The following ZMYND8 variants were observed in gnomAD, a reference collection of about 807,000 sequenced individuals.
ZMYND8 encodes MYND-type zinc finger-containing chromatin reader ZMYND8.
In ZMYND8, 37 loss-of-function variants were observed where a neutral mutation model predicts 140.8. The observed-to-expected ratio is 0.26, with a 90% confidence interval of 0.20 to 0.35. The LOEUF is 0.35. ZMYND8 is among the 10% of genes least tolerant of loss of function. The probability of loss-of-function intolerance (pLI) is 1.00; values close to 1 mark genes in which losing one functional copy is unlikely to be tolerated. For synonymous variants in ZMYND8, 592 were observed against 597.1 expected (o/e 0.99, Z 0.12); for missense variants, 1,068 against 1,570.0 (o/e 0.68, Z 5.40).
At chr20:47,245,308 G>A (rs575066818) in intron 14 of ZMYND8, among the ~76,000 whole-genome samples, 111 of 152,116 alleles carry the variant, frequency 7.3e-4, no homozygotes, top group African/African-American at 2.5e-3. Flanking sequence ...GTGCAGTGGC[G>A]CAATCTCAGC....
At chr20:47,250,542 C>T (rs1361550417) in intron 12 of ZMYND8, among the ~76,000 whole-genome samples, 2 of 152,218 alleles carry the variant, frequency 1.3e-5, no homozygotes, top group Admixed American at 6.5e-5. Context: ...CCCTGGACTT[C>T]GTGCTTCATC....
chr20:47,308,059 A>C (rs936338654), intron 3 of ZMYND8, among the ~76,000 whole-genome samples: 1 of 149,866 alleles, frequency 6.7e-6, no homozygotes, highest in African/African-American at 2.5e-5. Flanking sequence ...TGGAGGTTGC[A>C]ATGAGCCGAG....
At chr20:47,349,294 C>G (rs914391063) in intron 1 of ZMYND8, among the ~76,000 whole-genome samples, 7 of 152,188 alleles carry the variant, frequency 4.6e-5, no homozygotes, top group Admixed American at 4.6e-4. Context: ...ATTTAGCCAT[C>G]TGATTTTGAA....
At position 47,355,401 on chromosome 20, in the gene ZMYND8, G is replaced by C. The variant is rs1026977688; in HGVS notation, c.14+1256C>G. Reference sequence around the variant, plus strand: ...TATTACAAACAGACCCCAAATGTTCGCAAAACTCTTCAAACATGGTCACAG... The same window carrying C: ...TATTACAAACAGACCCCAAATGTTCCCAAAACTCTTCAAACATGGTCACAG... On this transcript the variant is annotated intron_variant, in intron 1 of 22. Coordinates refer to ENST00000471951, the MANE Select transcript of ZMYND8 (RefSeq NM_001281775.3). 3 of 979,206 alleles carry C rather than the reference G, an allele frequency of 3.1e-6. No homozygotes were observed. In the African/African-American group the frequency reaches 5.3e-5, roughly 17 times the overall value. The allele number at this position is 979,206 out of a possible 1,614,324, so 60.7% of individuals were successfully genotyped here.
At chr20:47,255,560 CAGTGTG>C (rs1244669624) in intron 12 of ZMYND8, among the ~76,000 whole-genome samples, 17 of 64,282 alleles carry the variant, frequency 2.6e-4, no homozygotes, top group African/African-American at 1.5e-3. Flanking sequence ...TACATATACT[CAGTGTG>C]TGTGTGTGTG....
rs149910530 is a variant in ZMYND8, at chr20:47,301,148, C to T, written c.235-2201G>A. Among the ~76,000 whole-genome samples, 856 of 146,820 alleles carry T rather than the reference C, an allele frequency of 5.8e-3. 7 individuals carry two copies. Among genetic ancestry groups the T allele is most frequent in the South Asian group, 0.045 (212 of 4,714 alleles). On this transcript the variant is annotated intron_variant, in intron 3 of 22. Transcript: ENST00000471951. ...TAGCTAATACTTATAAATGTGATTGCATAATTCTTTTTTTTTTTTTTTTGA... is the reference window on the plus strand; with the variant it reads ...TAGCTAATACTTATAAATGTGATTGTATAATTCTTTTTTTTTTTTTTTTGA...
Position 47,210,068 on chromosome 20 carries a change from T to C in ZMYND8, c.*693A>G, listed in dbSNP as rs1041416176. 1 of 152,722 alleles carries C rather than the reference T, an allele frequency of 6.5e-6. No homozygotes were observed. Among genetic ancestry groups the C allele is most frequent in the Non-Finnish European group, 1.5e-5 (1 of 68,070 alleles). The allele number at this position is 152,722 out of a possible 1,614,324, so 9.5% of individuals were successfully genotyped here. On this transcript the variant is annotated 3_prime_UTR_variant, in exon 23 of 23. Transcript: ENST00000471951. Reference sequence around the variant, plus strand: ...TTCTGTAAACAAGGATATTGTTTTTTCCCTTTTAGGAGTAGAGTCATCATT... The same window carrying C: ...TTCTGTAAACAAGGATATTGTTTTTCCCCTTTTAGGAGTAGAGTCATCATT...
intron 16 of ZMYND8, among the ~76,000 whole-genome samples, chr20:47,232,905 TG>T (rs1213056857): frequency 0.18 from 13,685 of 74,260 alleles, 1,137 homozygotes; most frequent in African/African-American, 0.39. Context: ...TTGTTTTTTT[TG>T]TTTTTTTTTT....
At position 47,290,328 on chromosome 20, in the gene ZMYND8, C is replaced by G. The variant is rs2077174610; in HGVS notation, c.661-54G>C. On this transcript the variant is annotated intron_variant, in intron 6 of 22. Coordinates refer to ENST00000471951, the MANE Select transcript of ZMYND8 (RefSeq NM_001281775.3). ...ACAGTGAGTCTAGACAAGCCACAGTCAGTGACTCTTGTGTCCCCACATAAT... is the reference window on the plus strand; with the variant it reads ...ACAGTGAGTCTAGACAAGCCACAGTGAGTGACTCTTGTGTCCCCACATAAT... The G allele has an allele frequency of 3.4e-5, 52 of 1,511,038 alleles. 1 individual carries two copies. The South Asian group carries it at 5.8e-4, about 17-fold the overall frequency. The allele number at this position is 1,511,038 out of a possible 1,614,324, so 93.6% of individuals were successfully genotyped here.
At chr20:47,336,972 T>C (rs1208662381) in intron 2 of ZMYND8, among the ~76,000 whole-genome samples, 2 of 151,922 alleles carry the variant, frequency 1.3e-5, no homozygotes, top group African/African-American at 4.8e-5. Flanking sequence ...CTTGCAACCC[T>C]TGGAATACAG....
At position 47,349,995 on chromosome 20, in the gene ZMYND8, G is replaced by A. The variant is rs1007198292; in HGVS notation, c.15-2069C>T. ...ACTTCAGGCAGGAATGCTGCTGAGA[G>A]ACGAGGAAAATGCAAACTAGTTATG... On this transcript the variant is annotated intron_variant, in intron 1 of 22. Coordinates refer to ENST00000471951, the MANE Select transcript of ZMYND8 (RefSeq NM_001281775.3). The A allele has an allele frequency of 3.3e-6, 5 of 1,502,328 alleles. No individual in the cohort carries two copies. The African/African-American group carries it at 7.0e-5, about 21-fold the overall frequency. 93.1% of individuals were successfully genotyped at this position (1,502,328 alleles called of 1,614,324 possible).
chr20:47,286,146 T>C (rs1312543909), intron 8 of ZMYND8, among the ~76,000 whole-genome samples: 10 of 151,854 alleles, frequency 6.6e-5, no homozygotes, highest in African/African-American at 2.4e-4. Context: ...GATAACTATA[T>C]CTATATATAG....
At chr20:47,216,495 C>CAAAAAA (rs10536216) in intron 21 of ZMYND8, among the ~76,000 whole-genome samples, 1,555 of 59,194 alleles carry the variant, frequency 0.026, 109 homozygotes, top group East Asian at 0.082. Context: ...GACTCTGTCT[C>CAAAAAA]AAAAAAAAAA....
chr20:47,212,620 C>A, intron 22 of ZMYND8, 22 bp downstream of exon 22: 1 of 1,613,278 alleles, frequency 6.2e-7, no homozygotes, highest in Non-Finnish European at 8.5e-7. Flanking sequence ...CGGCAGCTTT[C>A]GTAAGACAGG....
In ZMYND8 at chr20:47,224,456, C is replaced by T. The variant is rs771468726; in HGVS notation, c.3117G>A (p.Val1039=). ...ACCACTGCTTCTTCTTGGTCTCATC[C>T]ACCGCCTGCTGCTTCTCCAACTCCA... ...KQLELEKQQA[V]DETKKKQWCA... is the part of the protein sequence containing the mutation. Residue 1039 remains valine (V), a synonymous_variant, in exon 19 of 23, where the codon GTG becomes GTA. Coordinates refer to ENST00000471951, the MANE Select transcript of ZMYND8 (RefSeq NM_001281775.3). The T allele has an allele frequency of 3.7e-6, 6 of 1,614,236 alleles. No individual in the cohort carries two copies. The Middle Eastern group carries it at 4.9e-4, about 133-fold the overall frequency.
intron 2 of ZMYND8, among the ~76,000 whole-genome samples, chr20:47,345,948 G>A (rs2082299213): frequency 6.6e-6 from 1 of 152,226 alleles, no homozygotes; most frequent in South Asian, 2.1e-4. Flanking sequence ...ATGCGCCACT[G>A]TGCCTGACCC....
chr20:47,262,429 C>T lies in ZMYND8; in HGVS notation c.1481-1G>A. 1.2e-6 allele frequency: 2 copies of T among 1,613,720 alleles called. No individual in the cohort carries two copies. The highest frequency in any genetic ancestry group is 1.7e-6 in the Non-Finnish European group (2 of 1,179,942). On this transcript the variant is annotated splice_acceptor_variant, in intron 11 of 22. Transcript: ENST00000471951. LOFTEE classifies it high-confidence loss of function. ...CCCGTCTTGGTGGAGGCTGGTGAAG[C>T]TGAAAAAGTATGGCATTGTTAAAAG...
At chr20:47,243,823 C>A (rs889449428) in intron 14 of ZMYND8, among the ~76,000 whole-genome samples, 3 of 152,228 alleles carry the variant, frequency 2.0e-5, no homozygotes, top group Non-Finnish European at 4.4e-5. Flanking sequence ...CTGCCATCTG[C>A]ACCCAAATAT....
intron 12 of ZMYND8, among the ~76,000 whole-genome samples, chr20:47,255,665 T>C (rs1026649161): frequency 1.5e-5 from 2 of 137,146 alleles, no homozygotes; most frequent in South Asian, 2.4e-4. Flanking sequence ...ACTCAGTATA[T>C]GTATATGGTG....
Sources: gnomAD v4.1 joint callset for allele counts (sites outside exome capture counted in the v4.1 genomes callset) on GRCh38, gnomAD v4.1.1 for gene constraint, MANE v1.5 for transcripts, NCBI Gene and HGNC (gene_info 2026-07-23, HGNC 2026-07-21) for gene names.